The following NRG1 variants were observed in gnomAD, a reference collection of about 807,000 sequenced individuals.
The protein encoded by NRG1 is pro-neuregulin-1, membrane-bound isoform.
In NRG1, 18 loss-of-function variants were observed where a neutral mutation model predicts 63.8. The observed-to-expected ratio is 0.28, with a 90% confidence interval of 0.19 to 0.42. NRG1 has a LOEUF of 0.42. Ranked by LOEUF, NRG1 falls within the 10% of genes least tolerant of loss-of-function variation. The probability of loss-of-function intolerance (pLI) is 1.00; values close to 1 mark genes in which losing one functional copy is unlikely to be tolerated. For missense variants in NRG1, 762 were observed against 814.7 expected, an observed-to-expected ratio of 0.94 and a Z score of 0.79; for synonymous variants, 302 against 301.3, an observed-to-expected ratio of 1.00 and a Z score of -0.02.
At chr8:31,952,808 C>G (rs1803687839) in intron 1 of NRG1, among the ~76,000 whole-genome samples, 1 of 152,154 alleles carries the variant, frequency 6.6e-6, no homozygotes, top group Non-Finnish European at 1.5e-5. Context: ...TGTGGACTTA[C>G]AGCTCAGTAA....
At position 31,681,861 on chromosome 8, in the gene NRG1, C is replaced by T. The variant is rs149208027; in HGVS notation, c.37+42430C>T. On this transcript the variant is annotated intron_variant, in intron 1 of 10. Transcript: ENST00000519301. ...AGCAGAAAATAGAGTTCCCATATAG[C>T]CTTCATCCCCACAAAAGGGCAACCT... 3.1e-3 allele frequency among the ~76,000 whole-genome samples: 477 copies of T among 152,094 alleles called. 2 individuals are homozygous for T. The highest frequency in any genetic ancestry group is 0.021 in the South Asian group (102 of 4,818).
rs924569015 is a variant in NRG1 at position 32,074,592 on chromosome 8, G to A, written c.37+435161G>A. Among the ~76,000 whole-genome samples the A allele has an allele frequency of 6.6e-5, 10 of 151,574 alleles. No homozygotes were observed. In the East Asian group the frequency reaches 1.9e-3, roughly 29 times the overall value. ...TCTTAGGGCAGTGCGTGTGGGTCAG[G>A]GGTAGGTGTGTCTGGGAATTAAGAG... On this transcript the variant is annotated intron_variant, in intron 1 of 10. Transcript: ENST00000519301.
At chr8:32,412,434 A>ATATATG (rs1269039069) in intron 1 of NRG1, among the ~76,000 whole-genome samples, 1,959 of 39,308 alleles carry the variant, frequency 0.05, 87 homozygotes, top group Middle Eastern at 0.12. Flanking sequence ...ATATATATAT[A>ATATATG]TATATATATA....
Position 32,420,839 on chromosome 8 carries a change from C to T in NRG1, c.38-174989C>T, listed in dbSNP as rs116952882. ...CCTCATAATCCCCATGTGTCAAGGG[C>T]GGGACCAGGTTGAGGTAATTGAATC... On this transcript the variant is annotated intron_variant, in intron 1 of 10. Transcript: ENST00000519301. Among the ~76,000 whole-genome samples, 1,982 of 152,126 alleles carry T rather than the reference C, an allele frequency of 0.013. 242 individuals are homozygous for T. The East Asian group carries it at 0.29, about 22-fold the overall frequency.
intron 1 of NRG1, among the ~76,000 whole-genome samples, chr8:32,282,587 T>G (rs1044292286): frequency 6.6e-6 from 1 of 152,146 alleles, no homozygotes. Flanking sequence ...GAGCCGCTGT[T>G]CTCATCAGCC....
chr8:31,822,163 C>G (rs1311766483), intron 1 of NRG1, among the ~76,000 whole-genome samples: 15 of 152,136 alleles, frequency 9.9e-5, no homozygotes. Flanking sequence ...CAATAACTTA[C>G]CTTTGTAATT....
Position 31,785,415 on chromosome 8 carries a change from G to T in NRG1, c.37+145984G>T, listed in dbSNP as rs946446376. 5.9e-5 allele frequency among the ~76,000 whole-genome samples: 9 copies of T among 152,272 alleles called. No homozygotes were observed. The South Asian group carries it at 6.2e-4, about 11-fold the overall frequency. On this transcript the variant is annotated intron_variant, in intron 1 of 10. Transcript: ENST00000519301. ...GTCCAGGTGCAGAAAAGAAAGGTGA[G>T]CTTGTGATAAAGAGCAGGCAGAGTT...
intron 1 of NRG1, among the ~76,000 whole-genome samples, chr8:31,716,983 G>A (rs1302937797): frequency 6.6e-6 from 1 of 152,240 alleles, no homozygotes; most frequent in South Asian, 2.1e-4. Flanking sequence ...AATACTTACA[G>A]TTCATGGCTG....
At chr8:31,919,761 C>T (rs1278256042) in intron 1 of NRG1, among the ~76,000 whole-genome samples, 1 of 152,004 alleles carries the variant, frequency 6.6e-6, no homozygotes, top group African/African-American at 2.4e-5. Flanking sequence ...TTCTTACTCT[C>T]AAAGAGCTTA....
intron 1 of NRG1, among the ~76,000 whole-genome samples, chr8:32,505,772 A>C (rs7013361): frequency 0.74 from 112,838 of 152,088 alleles, 42,140 homozygotes; most frequent in East Asian, 0.89. Context: ...CTTTTTCAGC[A>C]CTAATAAGAC....
At chr8:32,669,737 TCAA>T (rs557301147) in intron 5 of NRG1, among the ~76,000 whole-genome samples, 227 of 152,344 alleles carry the variant, frequency 1.5e-3, no homozygotes, top group Non-Finnish European at 2.7e-3. Flanking sequence ...GTTGGGGCTT[TCAA>T]AATTGATAGT....
intron 5 of NRG1, among the ~76,000 whole-genome samples, chr8:32,664,715 T>C (rs1803708892): frequency 6.6e-6 from 1 of 152,096 alleles, no homozygotes; most frequent in African/African-American, 2.4e-5. Flanking sequence ...TGCATGAGTC[T>C]AAGGAAGACT....
intron 1 of NRG1, among the ~76,000 whole-genome samples, chr8:32,276,110 C>T (rs761261549): frequency 2.0e-5 from 3 of 152,118 alleles, no homozygotes; most frequent in Non-Finnish European, 4.4e-5. Context: ...ACCATATTCA[C>T]CCTACAGTGC....
intron 1 of NRG1, among the ~76,000 whole-genome samples, chr8:32,410,653 G>T (rs767527383): frequency 2.0e-5 from 3 of 151,986 alleles, no homozygotes; most frequent in African/African-American, 7.3e-5. Context: ...AGAGTGTATT[G>T]CCTTCAACAA....
intron 1 of NRG1, among the ~76,000 whole-genome samples, chr8:32,552,747 G>A (rs1834383854): frequency 6.6e-6 from 1 of 152,154 alleles, no homozygotes; most frequent in African/African-American, 2.4e-5. Context: ...AGCAGGAAGA[G>A]CGGAAGAAAG....
At chr8:31,955,630 A>G (rs770062852) in intron 1 of NRG1, among the ~76,000 whole-genome samples, 1 of 152,152 alleles carries the variant, frequency 6.6e-6, no homozygotes, top group Non-Finnish European at 1.5e-5. Flanking sequence ...GAGGTCAGGG[A>G]GCCCTTGTGA....
intron 1 of NRG1, among the ~76,000 whole-genome samples, chr8:31,813,516 C>CTTTTCTTTTCTTTTCTTTTCTTTTTTT: frequency 2.0e-5 from 2 of 101,214 alleles, no homozygotes; most frequent in Non-Finnish European, 2.0e-5. Context: ...CTTTTCTTTT[C>CTTTTCTTTTCTTTTCTTTTCTTTTTTT]TTTTTTTTTT....
At chr8:31,646,492 C>T (rs1257022022) in intron 1 of NRG1, among the ~76,000 whole-genome samples, 4 of 152,206 alleles carry the variant, frequency 2.6e-5, no homozygotes, top group Non-Finnish European at 2.9e-5. Flanking sequence ...CTGTCAGCTT[C>T]ACTAAATTTG....
At chr8:32,647,248 T>TGCCGCC (rs752783052) in intron 5 of NRG1, 1 of 985,370 alleles carries the variant, frequency 1.0e-6, no homozygotes. Context: ...CCGCTGCTGC[T>TGCCGCC]GCCGCCGCCG....
Sources: gnomAD v4.1 joint callset for allele counts (sites outside exome capture counted in the v4.1 genomes callset) on GRCh38, gnomAD v4.1.1 for gene constraint, MANE v1.5 for transcripts, NCBI Gene and HGNC (gene_info 2026-07-23, HGNC 2026-07-21) for gene names.